TRDN: variants seen among roughly 807,000 people sequenced by gnomAD.
TRDN encodes triadin, also known as triadin in skeletal muscle.
Under a neutral mutation model 149.7 loss-of-function variants are expected in TRDN, and 161 were observed. The ratio of observed to expected loss-of-function variants is 1.08; its 90% CI spans 0.95 to 1.23. TRDN has a LOEUF of 1.23. TRDN is among the 50% of genes most tolerant of loss of function. The pLI, the probability that TRDN is intolerant of heterozygous loss-of-function variation, is 0.00. For missense variants in TRDN, 896 were observed against 823.5 expected, an observed-to-expected ratio of 1.09 and a Z score of -1.08; for synonymous variants, 294 against 250.5, an observed-to-expected ratio of 1.17 and a Z score of -1.64.
intron 33 of TRDN, among the ~76,000 whole-genome samples, chr6:123,264,002 G>C (rs1290407483): frequency 6.6e-6 from 1 of 152,004 alleles, no homozygotes; most frequent in Non-Finnish European, 1.5e-5. Context: ...CAATGCACCT[G>C]GTCACTCAAG....
At chr6:123,408,794 C>A (rs1185227464) in intron 12 of TRDN, among the ~76,000 whole-genome samples, 1 of 152,066 alleles carries the variant, frequency 6.6e-6, no homozygotes, top group South Asian at 2.1e-4. Context: ...AAGAGCATAT[C>A]TTTAAGAGTA....
At chr6:123,223,457 T>C (rs1775227279) in intron 39 of TRDN, among the ~76,000 whole-genome samples, 1 of 151,734 alleles carries the variant, frequency 6.6e-6, no homozygotes, top group South Asian at 2.1e-4. Flanking sequence ...CATTTCTTTT[T>C]AACATAATGC....
At chr6:123,366,302 C>A in intron 19 of TRDN, 120 bp from the exon 20 acceptor site, 2 of 908,560 alleles carry the variant, frequency 2.2e-6, no homozygotes, top group South Asian at 1.8e-5. Flanking sequence ...GCAAAGCAAG[C>A]TGTAGAGAAA....
At chr6:123,437,364 A>C in intron 12 of TRDN, 1 of 256,976 alleles carries the variant, frequency 3.9e-6, no homozygotes, top group African/African-American at 3.2e-5. Flanking sequence ...TTCTTTCTCT[A>C]CTTTATTGAG....
rs1004819448 is a variant in TRDN at position 123,294,123 on chromosome 6, G to A, written c.1511-15041C>T. Among the ~76,000 whole-genome samples, 8 of 152,208 alleles carry A rather than the reference G, an allele frequency of 5.3e-5. No individual in the cohort carries two copies. The South Asian group carries it at 6.2e-4, about 12-fold the overall frequency. ...ATAGACTAGTGTTGGATTATTTACC[G>A]GCTGAACACAGTGGATTCTGTAAAG... is the stretch of plus-strand genomic sequence containing the variant. On this transcript the variant is annotated intron_variant, in intron 24 of 40. Transcript: ENST00000334268.
chr6:123,488,165 A>C (rs1312822599), intron 9 of TRDN, among the ~76,000 whole-genome samples: 1 of 152,122 alleles, frequency 6.6e-6, no homozygotes, highest in African/African-American at 2.4e-5. Context: ...ACCTTTCTCC[A>C]AAACTCCACA....
intron 35 of TRDN, among the ~76,000 whole-genome samples, chr6:123,258,838 G>A (rs1438959227): frequency 1.3e-5 from 2 of 152,138 alleles, no homozygotes; most frequent in Admixed American, 6.5e-5. Flanking sequence ...TCTAGTCAGG[G>A]ATTCAACTTC....
At chr6:123,570,653 A>C (rs1332989695) in intron 2 of TRDN, among the ~76,000 whole-genome samples, 1 of 152,186 alleles carries the variant, frequency 6.6e-6, no homozygotes, top group Non-Finnish European at 1.5e-5. Flanking sequence ...TTTAACTATT[A>C]TCTTTATGAA....
chr6:123,502,422 A>G, intron 8 of TRDN: 4 of 620,622 alleles, frequency 6.4e-6, no homozygotes, highest in Non-Finnish European at 8.0e-6. Flanking sequence ...ATCTTAAAAT[A>G]ATAAATTAAA....
At chr6:123,237,965 A>G (rs1775850464) in intron 38 of TRDN, among the ~76,000 whole-genome samples, 1 of 152,216 alleles carries the variant, frequency 6.6e-6, no homozygotes, top group African/African-American at 2.4e-5. Context: ...TCAGTAGAAA[A>G]GAAAACAATA....
In TRDN at chr6:123,517,441, G is replaced by A. The variant is rs559734313; in HGVS notation, c.485-1235C>T. 4.6e-5 allele frequency among the ~76,000 whole-genome samples: 7 copies of A among 151,966 alleles called. No individual in the cohort carries two copies. The South Asian group carries it at 6.3e-4, about 14-fold the overall frequency. On this transcript the variant is annotated intron_variant, in intron 5 of 40. Coordinates refer to ENST00000334268, the MANE Select transcript of TRDN (RefSeq NM_006073.4). ...ATTAACCTTTCTAACATGAAAATTC[G>A]ATATCATTGACTCCTCTGTTACAAA... is the stretch of plus-strand genomic sequence containing the variant.
intron 4 of TRDN, among the ~76,000 whole-genome samples, chr6:123,534,771 A>G (rs755772432): frequency 2.0e-4 from 31 of 152,212 alleles, no homozygotes; most frequent in Non-Finnish European, 4.6e-4. Flanking sequence ...TTGCAAAGAT[A>G]GGTGAATGTC....
chr6:123,458,264 T>C (rs960263141), intron 10 of TRDN, among the ~76,000 whole-genome samples: 2 of 152,216 alleles, frequency 1.3e-5, no homozygotes, highest in African/African-American at 4.8e-5. Flanking sequence ...GATAGCTAAT[T>C]TTATGCATCA....
At chr6:123,620,664 C>T (rs546235637) in intron 1 of TRDN, among the ~76,000 whole-genome samples, 32 of 152,160 alleles carry the variant, frequency 2.1e-4, no homozygotes, top group African/African-American at 6.5e-4. Context: ...AACCTCCTTC[C>T]GTTAAATTGA....
chr6:123,545,661 C>T (rs774337112), intron 4 of TRDN, among the ~76,000 whole-genome samples: 160 of 151,984 alleles, frequency 1.1e-3, no homozygotes, highest in African/African-American at 3.5e-3. Flanking sequence ...GACATTAGTG[C>T]ACATGTGTTG....
intron 10 of TRDN, chr6:123,464,694 G>A (rs2114708157): frequency 6.8e-6 from 9 of 1,330,252 alleles, no homozygotes; most frequent in East Asian, 2.8e-5. Context: ...TCTGGAAGCT[G>A]AGGGTCACCA....
intron 23 of TRDN, among the ~76,000 whole-genome samples, chr6:123,330,913 T>C (rs959446467): frequency 1.3e-5 from 2 of 151,996 alleles, no homozygotes; most frequent in Non-Finnish European, 2.9e-5. Flanking sequence ...CCAGAAATCC[T>C]TCTCTTATCA....
At chr6:123,501,678 C>G (rs1193881871) in intron 8 of TRDN, 2 of 267,874 alleles carry the variant, frequency 7.5e-6, no homozygotes. Flanking sequence ...CAATTGTTCT[C>G]AATACTGAGA....
intron 4 of TRDN, among the ~76,000 whole-genome samples, chr6:123,532,188 C>T (rs1333909629): frequency 6.6e-6 from 1 of 151,926 alleles, no homozygotes; most frequent in Non-Finnish European, 1.5e-5. Context: ...CACTAGATTA[C>T]AAAAACTTAG....
Sources: gnomAD v4.1 joint callset for allele counts (sites outside exome capture counted in the v4.1 genomes callset) on GRCh38, gnomAD v4.1.1 for gene constraint, MANE v1.5 for transcripts, NCBI Gene and HGNC (gene_info 2026-07-23, HGNC 2026-07-21) for gene names.